The following ITFG1 variants were observed in gnomAD, a reference collection of about 807,000 sequenced individuals.
ITFG1 encodes the protein integrin alpha FG-GAP repeat containing 1, also known as T-cell immunomodulatory protein.
Under a neutral mutation model 81.8 loss-of-function variants are expected in ITFG1, and 34 were observed. That is an observed-to-expected ratio of 0.42 (90% CI 0.32 to 0.55). The LOEUF (loss-of-function observed/expected upper bound fraction) is 0.55. Ranked by LOEUF, ITFG1 falls within the 20% of genes least tolerant of loss-of-function variation. The pLI, the probability that ITFG1 is intolerant of heterozygous loss-of-function variation, is 0.17. For synonymous variants in ITFG1, 285 were observed against 270.6 expected (o/e 1.05, Z -0.52); for missense variants, 672 against 755.4 (o/e 0.89, Z 1.29).
In ITFG1 at chr16:47,276,964, T is replaced by C. The variant is rs988122950; in HGVS notation, c.1071-16269A>G. 5.9e-5 allele frequency among the ~76,000 whole-genome samples: 9 copies of C among 152,308 alleles called. No individual in the cohort carries two copies. The East Asian group carries it at 1.5e-3, about 26-fold the overall frequency. The stretch of plus-strand genomic sequence containing the variant: ...TTATGACCACAAGATAGATCATTAT[T>C]ACCTAAATAAGATCGAGAAAAGCTG... On this transcript the variant is annotated intron_variant, in intron 10 of 17. Transcript: ENST00000320640.
intron 8 of ITFG1, among the ~76,000 whole-genome samples, chr16:47,334,682 A>C (rs746951714): frequency 6.6e-6 from 1 of 152,184 alleles, no homozygotes; most frequent in Non-Finnish European, 1.5e-5. Flanking sequence ...GACAAACAAG[A>C]AATTCCTGCA....
At chr16:47,411,460 G>A (rs953009594) in intron 6 of ITFG1, among the ~76,000 whole-genome samples, 1 of 152,140 alleles carries the variant, frequency 6.6e-6, no homozygotes, top group Admixed American at 6.5e-5. Context: ...GTCTTGCTGA[G>A]TGACAAAACC....
rs189129212 is a variant in ITFG1 at position 47,306,085 on chromosome 16, G to A, written c.1070+5155C>T. ...TCCTAAAATACTTGCCTTACATATTGACTCCAGTAGTTCATTAAAGGTAAA... is the reference window on the plus strand; with the variant it reads ...TCCTAAAATACTTGCCTTACATATTAACTCCAGTAGTTCATTAAAGGTAAA... On this transcript the variant is annotated intron_variant, in intron 10 of 17. Transcript: ENST00000320640. 1.6e-3 allele frequency among the ~76,000 whole-genome samples: 248 copies of A among 152,144 alleles called. 2 individuals are homozygous for A. The highest frequency in any genetic ancestry group is 2.7e-3 in the Non-Finnish European group (187 of 68,002).
intron 6 of ITFG1, among the ~76,000 whole-genome samples, chr16:47,381,829 T>G (rs918816250): frequency 1.3e-5 from 2 of 152,210 alleles, no homozygotes. Flanking sequence ...GCAGTTTAAT[T>G]GCATTCTGTA....
At chr16:47,392,682 G>C (rs1968547824) in intron 6 of ITFG1, among the ~76,000 whole-genome samples, 2 of 152,136 alleles carry the variant, frequency 1.3e-5, no homozygotes, top group Admixed American at 6.5e-5. Flanking sequence ...ATAGTAAGTT[G>C]ATTTCACGCA....
chr16:47,327,975 A>G (rs899435727), intron 8 of ITFG1, among the ~76,000 whole-genome samples: 2 of 152,232 alleles, frequency 1.3e-5, no homozygotes, highest in Non-Finnish European at 2.9e-5. Flanking sequence ...ATTACTGGCT[A>G]TATACCCAAA....
chr16:47,300,027 C>G (rs1328446906), intron 10 of ITFG1: 1 of 152,228 alleles, frequency 6.6e-6, no homozygotes, highest in Non-Finnish European at 1.5e-5. Context: ...TGGAGTAGTT[C>G]CTTCTCATAG....
intron 10 of ITFG1, among the ~76,000 whole-genome samples, chr16:47,279,867 T>A (rs1966434702): frequency 6.6e-6 from 1 of 152,192 alleles, no homozygotes; most frequent in South Asian, 2.1e-4. Flanking sequence ...GTATTTTGTT[T>A]CTTAATGCTG....
chr16:47,347,781 G>C (rs1244196472), intron 8 of ITFG1, among the ~76,000 whole-genome samples: 1 of 152,194 alleles, frequency 6.6e-6, no homozygotes, highest in East Asian at 1.9e-4. Context: ...TAGCCTATCT[G>C]GGAGGCACCC....
intron 2 of ITFG1, among the ~76,000 whole-genome samples, chr16:47,455,931 T>C (rs1210453808): frequency 6.6e-6 from 1 of 151,960 alleles, no homozygotes; most frequent in African/African-American, 2.4e-5. Context: ...AATCAACTGA[T>C]AGAAACTCCT....
chr16:47,322,212 G>A (rs1432663989), intron 8 of ITFG1, among the ~76,000 whole-genome samples: 3 of 152,132 alleles, frequency 2.0e-5, no homozygotes, highest in Non-Finnish European at 4.4e-5. Context: ...GAAAAGAAAA[G>A]CTATACTTCT....
At chr16:47,160,043 T>A (rs1964776554) in intron 16 of ITFG1, among the ~76,000 whole-genome samples, 2 of 152,056 alleles carry the variant, frequency 1.3e-5, no homozygotes, top group Admixed American at 1.3e-4. Flanking sequence ...TAAGTAAACC[T>A]TAAGAAAACA....
intron 10 of ITFG1, among the ~76,000 whole-genome samples, chr16:47,276,283 C>A (rs1034754488): frequency 6.6e-5 from 10 of 152,066 alleles, no homozygotes; most frequent in African/African-American, 2.2e-4. Context: ...AAAAAAAAAT[C>A]TCATTCAATA....
chr16:47,445,021 C>G (rs1384728973), intron 5 of ITFG1, among the ~76,000 whole-genome samples: 3 of 151,456 alleles, frequency 2.0e-5, no homozygotes, highest in African/African-American at 4.9e-5. Flanking sequence ...TACCACAACC[C>G]CACTCCAGTG....
chr16:47,289,760 CTATTGGTAAATT>C (rs1216192530), intron 10 of ITFG1, among the ~76,000 whole-genome samples: 2 of 151,798 alleles, frequency 1.3e-5, no homozygotes, highest in African/African-American at 4.8e-5. Context: ...ATGAGTCTAG[CTATTGGTAAATT>C]TATGTTAATC....
chr16:47,319,817 A>G (rs951166672), intron 8 of ITFG1, among the ~76,000 whole-genome samples: 15 of 152,230 alleles, frequency 9.9e-5, no homozygotes, highest in Non-Finnish European at 1.9e-4. Flanking sequence ...AAATGTCAAC[A>G]TGTGAAAAAG....
chr16:47,372,744 T>G (rs1276190308), intron 7 of ITFG1, among the ~76,000 whole-genome samples: 1 of 152,156 alleles, frequency 6.6e-6, no homozygotes, highest in Admixed American at 6.5e-5. Context: ...TGAGCTACTG[T>G]GCCTGGCCTC....
At chr16:47,294,243 CTA>C (rs1166681601) in intron 10 of ITFG1, among the ~76,000 whole-genome samples, 1 of 151,992 alleles carries the variant, frequency 6.6e-6, no homozygotes, top group Non-Finnish European at 1.5e-5. Context: ...AATACCAGTA[CTA>C]TGTTTTGGTT....
intron 14 of ITFG1, among the ~76,000 whole-genome samples, chr16:47,180,652 C>T (rs1406596325): frequency 2.0e-5 from 3 of 152,176 alleles, no homozygotes; most frequent in Non-Finnish European, 2.9e-5. Flanking sequence ...CCCGAGGTGC[C>T]GGGATTGCAG....
Sources: allele counts gnomAD v4.1 joint callset (sites outside exome capture counted in the v4.1 genomes callset), GRCh38; gene constraint gnomAD v4.1.1; transcripts MANE v1.5; gene names NCBI Gene and HGNC (gene_info 2026-07-23, HGNC 2026-07-21).